Variants in ACSS3 observed in about 807,000 individuals in gnomAD.
ACSS3 encodes the protein acyl-CoA synthetase short chain family member 3.
In ACSS3, 64 loss-of-function variants were observed where a neutral mutation model predicts 84.2. That is an observed-to-expected ratio of 0.76 (90% CI 0.62 to 0.94). ACSS3 has a LOEUF of 0.94. Ranked by LOEUF, ACSS3 falls within the 40% of genes least tolerant of loss-of-function variation. The pLI is 0.00. For missense variants in ACSS3, 815 were observed against 867.6 expected (o/e 0.94, Z 0.76); for synonymous variants, 317 against 310.1 (o/e 1.02, Z -0.23).
chr12:81,182,810 G>A (rs935848490), intron 8 of ACSS3, among the ~76,000 whole-genome samples: 1 of 151,994 alleles, frequency 6.6e-6, no homozygotes, highest in African/African-American at 2.4e-5. Flanking sequence ...TTTCTAGAAC[G>A]TACTGTGAAC....
chr12:81,241,920 G>A (rs2033820138), intron 13 of ACSS3, among the ~76,000 whole-genome samples: 1 of 152,120 alleles, frequency 6.6e-6, no homozygotes, highest in Non-Finnish European at 1.5e-5. Context: ...CCGTGCCTAT[G>A]TCCTGAATGG....
intron 1 of ACSS3, among the ~76,000 whole-genome samples, chr12:81,099,519 T>C (rs972354135): frequency 6.6e-6 from 1 of 152,196 alleles, no homozygotes; most frequent in Non-Finnish European, 1.5e-5. Flanking sequence ...GATATGGCAC[T>C]TTTTGAGAAT....
intron 2 of ACSS3, chr12:81,118,145 T>C (rs1394250499): frequency 3.3e-5 from 5 of 152,182 alleles, no homozygotes; most frequent in Admixed American, 2.0e-4. Context: ...TAATTAAACA[T>C]TTACTTAATA....
chr12:81,175,716 A>C (rs2030419400), intron 8 of ACSS3, among the ~76,000 whole-genome samples: 1 of 152,210 alleles, frequency 6.6e-6, no homozygotes, highest in Non-Finnish European at 1.5e-5. Flanking sequence ...AAAATCATAC[A>C]ATTACATGGA....
chr12:81,149,131 C>T (rs986469191), intron 5 of ACSS3, among the ~76,000 whole-genome samples: 6 of 151,644 alleles, frequency 4.0e-5, no homozygotes, highest in South Asian at 2.1e-4. Flanking sequence ...AATAGAGATT[C>T]GAAAGACTAA....
Position 81,255,025 on chromosome 12 carries a change from C to T in ACSS3, c.*103C>T. 1 of 1,074,122 alleles carries T rather than the reference C, an allele frequency of 9.3e-7. No individual in the cohort carries two copies. The highest frequency in any genetic ancestry group is 2.9e-4 in the Middle Eastern group (1 of 3,412). The allele number at this position is 1,074,122 out of a possible 1,614,324, so 66.5% of individuals were successfully genotyped here. A position where few individuals can be genotyped will look rare whatever the true frequency, so the allele number is the denominator to read the frequency against. On this transcript the variant is annotated 3_prime_UTR_variant, in exon 16 of 16. Transcript: ENST00000548058. The stretch of plus-strand genomic sequence containing the variant: ...TAAATATTTCAGTAGAAATTACTTG[C>T]AAAATGAAATGTGAATTGTAAAACT...
intron 1 of ACSS3, among the ~76,000 whole-genome samples, chr12:81,104,219 T>G (rs1446993961): frequency 1.3e-5 from 2 of 152,144 alleles, no homozygotes; most frequent in African/African-American, 4.8e-5. Flanking sequence ...TCTTTCTTTT[T>G]GTAACCCACA....
At chr12:81,179,778 CAA>C (rs201290758) in intron 8 of ACSS3, among the ~76,000 whole-genome samples, 5 of 73,458 alleles carry the variant, frequency 6.8e-5, no homozygotes, top group Non-Finnish European at 8.1e-5. Context: ...GACTCCGTCT[CAA>C]AAAAAAAAAA....
chr12:81,213,702 TCTCCCCTCCGCTCCCCTCCG>T (rs1213819253), intron 9 of ACSS3, among the ~76,000 whole-genome samples: 2 of 20,854 alleles, frequency 9.6e-5, no homozygotes, highest in Non-Finnish European at 2.1e-4. Flanking sequence ...GCTGCCCTCC[TCTCCCCTCCGCTCCCCTCCG>T]CTCCCCTCCG....
intron 8 of ACSS3, among the ~76,000 whole-genome samples, chr12:81,181,825 C>G (rs368141613): frequency 4.3e-4 from 60 of 140,162 alleles, no homozygotes; most frequent in African/African-American, 1.5e-3. Flanking sequence ...CTGTGAACTT[C>G]TTGAAAATCA....
chr12:81,234,924 T>G (rs1327818608), intron 13 of ACSS3, among the ~76,000 whole-genome samples: 1 of 151,354 alleles, frequency 6.6e-6, no homozygotes, highest in Non-Finnish European at 1.5e-5. Context: ...AATTTATCAT[T>G]TTTTTCTTTT....
At chr12:81,171,491 G>C (rs2030040343) in intron 7 of ACSS3, among the ~76,000 whole-genome samples, 1 of 151,906 alleles carries the variant, frequency 6.6e-6, no homozygotes, top group Non-Finnish European at 1.5e-5. Flanking sequence ...TTATCTTCTG[G>C]GGAATGGACA....
At chr12:81,088,280 G>C (rs1474070099) in intron 1 of ACSS3, among the ~76,000 whole-genome samples, 1 of 152,052 alleles carries the variant, frequency 6.6e-6, no homozygotes, top group Non-Finnish European at 1.5e-5. Context: ...GCGTGAGTGA[G>C]AAATAAACAT....
chr12:81,125,107 G>C (rs866414130), intron 2 of ACSS3, among the ~76,000 whole-genome samples: 31 of 152,254 alleles, frequency 2.0e-4, no homozygotes, highest in African/African-American at 6.5e-4. Flanking sequence ...CCAGCTACTC[G>C]GGAGGCTGAG....
intron 3 of ACSS3, among the ~76,000 whole-genome samples, chr12:81,135,546 A>G (rs1720288522): frequency 6.6e-6 from 1 of 151,148 alleles, no homozygotes; most frequent in Admixed American, 6.6e-5. Context: ...AATTGGATGG[A>G]ACTGGAGATC....
intron 1 of ACSS3, among the ~76,000 whole-genome samples, chr12:81,097,450 G>A (rs987384961): frequency 2.0e-5 from 3 of 152,092 alleles, no homozygotes; most frequent in South Asian, 2.1e-4. Flanking sequence ...TTTTGTATTC[G>A]TTTTCCTTAC....
chr12:81,199,752 T>G, intron 9 of ACSS3: 1 of 1,178,548 alleles, frequency 8.5e-7, no homozygotes, highest in Non-Finnish European at 1.1e-6. Context: ...AAGTGTCTGT[T>G]GGGTTCATTC....
chr12:81,167,590 G>A (rs976078782), intron 7 of ACSS3, among the ~76,000 whole-genome samples: 3 of 152,098 alleles, frequency 2.0e-5, no homozygotes, highest in African/African-American at 7.2e-5. Flanking sequence ...TCTGCACATG[G>A]CAGAAGAACA....
intron 13 of ACSS3, among the ~76,000 whole-genome samples, chr12:81,249,429 A>T (rs1486165743): frequency 6.6e-6 from 1 of 152,066 alleles, no homozygotes; most frequent in Non-Finnish European, 1.5e-5. Flanking sequence ...TGGTGTTAAC[A>T]TACTGTCTTT....
Sources: allele counts gnomAD v4.1 joint callset (sites outside exome capture counted in the v4.1 genomes callset), GRCh38; gene constraint gnomAD v4.1.1; transcripts MANE v1.5; gene names NCBI Gene and HGNC (gene_info 2026-07-23, HGNC 2026-07-21).